GRK3: variants seen among roughly 807,000 people sequenced by gnomAD.
GRK3 encodes the protein adrenergic, beta, receptor kinase 2.
Under a neutral mutation model 95.7 loss-of-function variants are expected in GRK3, and 54 were observed. The observed-to-expected ratio is 0.56, with a 90% confidence interval of 0.45 to 0.71. The LOEUF is 0.71. Among genes scored for constraint, GRK3 ranks in the 30% least tolerant of loss-of-function variants. The probability of loss-of-function intolerance (pLI) is 0.00; values close to 1 mark genes in which losing one functional copy is unlikely to be tolerated. For missense variants in GRK3, 649 were observed against 851.2 expected, an observed-to-expected ratio of 0.76 and a Z score of 2.96; for synonymous variants, 281 against 290.8, an observed-to-expected ratio of 0.97 and a Z score of 0.34.
intron 1 of GRK3, among the ~76,000 whole-genome samples, chr22:25,590,557 C>T (rs1932457483): frequency 6.6e-6 from 1 of 152,178 alleles, no homozygotes; most frequent in African/African-American, 2.4e-5. Context: ...CGCGGTGGCT[C>T]ATGCCTGTAA....
chr22:25,717,816 T>C (rs1002317916), intron 18 of GRK3, among the ~76,000 whole-genome samples: 1 of 152,124 alleles, frequency 6.6e-6, no homozygotes, highest in Non-Finnish European at 1.5e-5. Context: ...ACAAGAAAAT[T>C]CCCACTATTA....
intron 1 of GRK3, among the ~76,000 whole-genome samples, chr22:25,568,020 G>A (rs560909020): frequency 5.9e-5 from 9 of 152,330 alleles, no homozygotes; most frequent in Non-Finnish European, 7.3e-5. Context: ...AAAGCTGACT[G>A]TTTGTCCAAA....
intron 1 of GRK3, among the ~76,000 whole-genome samples, chr22:25,599,024 A>C (rs1033146288): frequency 1.6e-4 from 24 of 152,124 alleles, no homozygotes; most frequent in Non-Finnish European, 1.5e-5. Context: ...ACAAAAACAA[A>C]CCAAAATCCC....
intron 1 of GRK3, among the ~76,000 whole-genome samples, chr22:25,593,624 A>G (rs1380180825): frequency 6.6e-6 from 1 of 151,652 alleles, no homozygotes; most frequent in Non-Finnish European, 1.5e-5. Flanking sequence ...GTTTGTAAAT[A>G]TTTTCTCTCA....
chr22:25,564,769 A>C lies in GRK3; in HGVS notation c.-272A>C, dbSNP rs1264651739. The stretch of plus-strand genomic sequence containing the variant: ...GCGCGCTCCCCGCAGACCCTCGCTG[A>C]AGGAGCAGGGGGCGGCGCGCGTGCG... On this transcript the variant is annotated 5_prime_UTR_variant, in exon 1 of 21. Transcript: ENST00000324198. The C allele has an allele frequency of 6.7e-6, 1 of 150,088 alleles. No individual in the cohort carries two copies. The highest frequency in any genetic ancestry group is 1.5e-5 in the Non-Finnish European group (1 of 67,362). The allele number at this position is 150,088 out of a possible 1,614,324, so 9.3% of individuals were successfully genotyped here.
chr22:25,577,267 G>T (rs1053313920), intron 1 of GRK3, among the ~76,000 whole-genome samples: 2 of 151,732 alleles, frequency 1.3e-5, no homozygotes, highest in Non-Finnish European at 2.9e-5. Context: ...CCGCCTCCCA[G>T]GTTCAACTGA....
At position 25,709,902 on chromosome 22, in the gene GRK3, C is replaced by T; in HGVS notation, c.1333C>T (p.Gln445Ter). 6.2e-7 allele frequency: 1 copy of T among 1,613,032 alleles called. No homozygotes were observed. The highest frequency in any genetic ancestry group is 8.5e-7 in the Non-Finnish European group (1 of 1,178,986). The change falls in exon 16 of 21, where the codon CAG (glutamine) becomes TAG (stop). Residue 445 changes from glutamine to a stop codon, truncating the protein, a stop_gained. Transcript: ENST00000324198. LOFTEE classifies it high-confidence loss of function. ...KRLGCHGGGS[Q>*]EVKEHSFFKG... is the part of the protein sequence containing the mutation. ...TTATGACTCTTTCTCCTCCAGCTCA[C>T]AGGAAGTAAAAGAGCACAGCTTTTT...
At chr22:25,721,488 T>C in intron 20 of GRK3, 91 bp downstream of exon 20, 1 of 749,422 alleles carries the variant, frequency 1.3e-6, no homozygotes, top group Non-Finnish European at 2.3e-6. Flanking sequence ...TCTTATGCCA[T>C]GTTTTATCAC....
At chr22:25,645,212 A>G (rs535259492) in intron 3 of GRK3, among the ~76,000 whole-genome samples, 7 of 152,282 alleles carry the variant, frequency 4.6e-5, no homozygotes, top group Non-Finnish European at 1.0e-4. Flanking sequence ...GAAATCTCCT[A>G]CAGCCTTACA....
intron 20 of GRK3, among the ~76,000 whole-genome samples, chr22:25,721,975 C>T (rs1342309856): frequency 6.6e-6 from 1 of 152,126 alleles, no homozygotes; most frequent in African/African-American, 2.4e-5. Context: ...AAACTCCTTC[C>T]CCTATATTAT....
At chr22:25,609,521 G>C (rs2084479508) in intron 2 of GRK3, among the ~76,000 whole-genome samples, 1 of 151,912 alleles carries the variant, frequency 6.6e-6, no homozygotes, top group Non-Finnish European at 1.5e-5. Flanking sequence ...TAGTAGAGAT[G>C]GGGTTTTGCC....
At position 25,649,727 on chromosome 22, in the gene GRK3, T is replaced by C. The variant is rs1449148692; in HGVS notation, c.264+5062T>C. On this transcript the variant is annotated intron_variant, in intron 3 of 20. Coordinates refer to ENST00000324198, the MANE Select transcript of GRK3 (RefSeq NM_005160.4). Reference sequence around the variant, plus strand: ...TCTCAAAAGTTTTTTCTGAGTTAAATAGTCAATAGGCAATCTTAATATATG... The same window carrying C: ...TCTCAAAAGTTTTTTCTGAGTTAAACAGTCAATAGGCAATCTTAATATATG... Among the ~76,000 whole-genome samples the C allele has an allele frequency of 4.6e-5, 7 of 152,330 alleles. No individual in the cohort carries two copies. In the East Asian group the frequency reaches 1.2e-3, roughly 25 times the overall value.
At chr22:25,697,657 T>G (rs567341171) in intron 13 of GRK3, among the ~76,000 whole-genome samples, 2 of 152,194 alleles carry the variant, frequency 1.3e-5, no homozygotes, top group African/African-American at 4.8e-5. Context: ...ATCATATGCA[T>G]GCTGTGTAAC....
chr22:25,722,480 G>A lies in GRK3; in HGVS notation c.*30G>A, dbSNP rs2085441008. The A allele has an allele frequency of 6.2e-7, 1 of 1,610,562 alleles. No homozygotes were observed. On this transcript the variant is annotated 3_prime_UTR_variant, in exon 21 of 21. Transcript: ENST00000324198. ...CAGAAACAGGGAGGGTCCTCGAGGA[G>A]GACACACCAGGGTCTCAGCCTTTTG...
chr22:25,572,655 G>A (rs1465632620), intron 1 of GRK3, among the ~76,000 whole-genome samples: 5 of 151,980 alleles, frequency 3.3e-5, no homozygotes, highest in Non-Finnish European at 1.5e-5. Context: ...CATCCCGTAG[G>A]CTCTGGGATG....
At chr22:25,620,001 C>CTTTTTTTT (rs34132299) in intron 2 of GRK3, among the ~76,000 whole-genome samples, 3 of 105,938 alleles carry the variant, frequency 2.8e-5, no homozygotes, top group African/African-American at 4.7e-5. Context: ...TTTCCTTTGT[C>CTTTTTTTT]TTTTTTGTGT....
At chr22:25,707,273 TTCTTA>T (rs2085307185) in intron 15 of GRK3, among the ~76,000 whole-genome samples, 1 of 152,246 alleles carries the variant, frequency 6.6e-6, no homozygotes, top group Non-Finnish European at 1.5e-5. Flanking sequence ...GCAAGTAAAC[TTCTTA>T]TTTAGCTTAT....
intron 1 of GRK3, among the ~76,000 whole-genome samples, chr22:25,602,559 T>C (rs1428691151): frequency 6.6e-6 from 1 of 152,220 alleles, no homozygotes; most frequent in African/African-American, 2.4e-5. Context: ...ACAACCCAAA[T>C]GTCTGTCAAC....
intron 9 of GRK3, among the ~76,000 whole-genome samples, chr22:25,681,210 C>T (rs113774979): frequency 0.026 from 3,904 of 152,166 alleles, 58 homozygotes; most frequent in East Asian, 0.038. Context: ...AGGCACTCTG[C>T]GGCAAGCTGG....
Sources: allele counts gnomAD v4.1 joint callset (sites outside exome capture counted in the v4.1 genomes callset), GRCh38; gene constraint gnomAD v4.1.1; transcripts MANE v1.5; gene names NCBI Gene and HGNC (gene_info 2026-07-23, HGNC 2026-07-21).